TNR: variants seen among roughly 807,000 people sequenced by gnomAD.
TNR encodes tenascin-R.
Under a neutral mutation model 150.4 loss-of-function variants are expected in TNR, and 45 were observed. The ratio of observed to expected loss-of-function variants is 0.30; its 90% confidence interval spans 0.24 to 0.38. The LOEUF (loss-of-function observed/expected upper bound fraction) is 0.38, where lower values mean the gene tolerates loss of function less well. TNR is among the 10% of genes least tolerant of loss of function. The probability of loss-of-function intolerance (pLI) is 1.00; values close to 1 mark genes in which losing one functional copy is unlikely to be tolerated. For synonymous variants in TNR, 687 were observed against 678.4 expected (o/e 1.01, Z -0.20); for missense variants, 1,544 against 1,759.1 (o/e 0.88, Z 2.19).
At chr1:175,454,253 G>C (rs12044910) in intron 2 of TNR, among the ~76,000 whole-genome samples, 25,744 of 152,160 alleles carry the variant, frequency 0.17, 2,410 homozygotes, top group Admixed American at 0.28. Context: ...CATTCATCCA[G>C]ATTACAGGCA....
chr1:175,332,522 A>G (rs954560789), intron 20 of TNR, among the ~76,000 whole-genome samples: 1 of 152,178 alleles, frequency 6.6e-6, no homozygotes, highest in African/African-American at 2.4e-5. Flanking sequence ...CTTCCAAACT[A>G]CACCACACCA....
chr1:175,466,467 T>C (rs932264651), intron 2 of TNR, among the ~76,000 whole-genome samples: 1 of 152,250 alleles, frequency 6.6e-6, no homozygotes, highest in Admixed American at 6.5e-5. Flanking sequence ...AGGAGATTTG[T>C]GTGCTGCTGA....
intron 1 of TNR, among the ~76,000 whole-genome samples, chr1:175,734,303 T>C (rs1667717814): frequency 6.6e-6 from 1 of 152,228 alleles, no homozygotes; most frequent in Non-Finnish European, 1.5e-5. Context: ...GTAAGTCTTT[T>C]TGTAGAAAAT....
At chr1:175,409,451 A>G (rs1160665681) in intron 2 of TNR, among the ~76,000 whole-genome samples, 1 of 152,232 alleles carries the variant, frequency 6.6e-6, no homozygotes, top group Non-Finnish European at 1.5e-5. Flanking sequence ...CAGCTACAAA[A>G]TTACATAGAG....
At chr1:175,422,088 C>T (rs1654775130) in intron 2 of TNR, among the ~76,000 whole-genome samples, 1 of 152,182 alleles carries the variant, frequency 6.6e-6, no homozygotes, top group Admixed American at 6.5e-5. Flanking sequence ...GTCACAAAGC[C>T]TTTAGGTGAG....
chr1:175,482,457 C>T (rs1167275213), intron 2 of TNR, among the ~76,000 whole-genome samples: 1 of 152,100 alleles, frequency 6.6e-6, no homozygotes, highest in Admixed American at 6.5e-5. Flanking sequence ...CCTTAATGGC[C>T]ATCCAAGTTG....
chr1:175,462,735 G>A (rs1442424393), intron 2 of TNR, among the ~76,000 whole-genome samples: 1 of 152,128 alleles, frequency 6.6e-6, no homozygotes, highest in East Asian at 1.9e-4. Flanking sequence ...ATCCTGACAA[G>A]GTGAGTGATG....
intron 2 of TNR, among the ~76,000 whole-genome samples, chr1:175,478,252 A>G (rs949758797): frequency 6.6e-6 from 1 of 152,198 alleles, no homozygotes; most frequent in Non-Finnish European, 1.5e-5. Context: ...ACTTGCACCA[A>G]CTTTCAATAT....
chr1:175,655,201 A>T (rs1665135689), intron 1 of TNR, among the ~76,000 whole-genome samples: 1 of 152,216 alleles, frequency 6.6e-6, no homozygotes, highest in African/African-American at 2.4e-5. Context: ...CTGAAGGGCA[A>T]CATGTACCCA....
chr1:175,724,428 G>A (rs1328347327), intron 1 of TNR, among the ~76,000 whole-genome samples: 1 of 152,132 alleles, frequency 6.6e-6, no homozygotes, highest in Admixed American at 6.5e-5. Flanking sequence ...CAGTACCAAG[G>A]GGGATGGTGC....
chr1:175,575,260 T>C (rs1662052217), intron 1 of TNR, among the ~76,000 whole-genome samples: 1 of 152,222 alleles, frequency 6.6e-6, no homozygotes, highest in Admixed American at 6.5e-5. Context: ...TAACTTGCAA[T>C]GGACAGGTGG....
chr1:175,504,649 C>T (rs1268273732), intron 2 of TNR, among the ~76,000 whole-genome samples: 4 of 152,160 alleles, frequency 2.6e-5, no homozygotes, highest in Admixed American at 2.6e-4. Flanking sequence ...CAAGTGAGTC[C>T]TGCTGCTCCC....
chr1:175,736,248 G>A (rs1435034435), intron 1 of TNR, among the ~76,000 whole-genome samples: 1 of 152,226 alleles, frequency 6.6e-6, no homozygotes, highest in African/African-American at 2.4e-5. Context: ...TGGGCCGGGC[G>A]TGGTGGCTCA....
At chr1:175,467,902 T>C (rs950314686) in intron 2 of TNR, among the ~76,000 whole-genome samples, 2 of 152,122 alleles carry the variant, frequency 1.3e-5, no homozygotes, top group Admixed American at 6.5e-5. Context: ...TAGTGAAAAA[T>C]AGATTCAGCC....
intron 1 of TNR, among the ~76,000 whole-genome samples, chr1:175,741,238 C>T (rs1667921334): frequency 6.6e-6 from 1 of 152,240 alleles, no homozygotes; most frequent in African/African-American, 2.4e-5. Flanking sequence ...GCTAGAAGTT[C>T]TATTTCTGCT....
chr1:175,495,024 T>G (rs1376557255), intron 2 of TNR, among the ~76,000 whole-genome samples: 1 of 152,192 alleles, frequency 6.6e-6, no homozygotes, highest in Non-Finnish European at 1.5e-5. Flanking sequence ...GTCTTCAGCG[T>G]TCACTTCTGC....
intron 2 of TNR, among the ~76,000 whole-genome samples, chr1:175,457,778 A>G (rs762401177): frequency 5.6e-4 from 85 of 152,216 alleles, no homozygotes; most frequent in Non-Finnish European, 9.0e-4. Flanking sequence ...TTGTAATTTT[A>G]TTAGGTATAT....
At chr1:175,563,190 C>T (rs781210771) in intron 1 of TNR, among the ~76,000 whole-genome samples, 9 of 152,216 alleles carry the variant, frequency 5.9e-5, no homozygotes, top group Non-Finnish European at 7.4e-5. Context: ...ATACAATTAA[C>T]GGAAGGGCAG....
intron 2 of TNR, among the ~76,000 whole-genome samples, chr1:175,426,915 TAAA>T (rs35629141): frequency 4.7e-5 from 4 of 85,900 alleles, no homozygotes; most frequent in African/African-American, 1.9e-4. Context: ...ATTATATATA[TAAA>T]ATATAAATAT....
Sources: allele counts gnomAD v4.1 joint callset (sites outside exome capture counted in the v4.1 genomes callset), GRCh38; gene constraint gnomAD v4.1.1; transcripts MANE v1.5; gene names NCBI Gene and HGNC (gene_info 2026-07-23, HGNC 2026-07-21).